The following INSR variants were observed in gnomAD, a reference collection of about 807,000 sequenced individuals.
INSR encodes IR.
INSR carries 67 observed loss-of-function variants against 142.6 expected under a neutral mutation model. That is an observed-to-expected ratio of 0.47 (90% CI 0.39 to 0.58). INSR has a LOEUF of 0.58. Among genes scored for constraint, INSR ranks in the 20% least tolerant of loss-of-function variants. The pLI is 0.00. For synonymous variants in INSR, 756 were observed against 743.1 expected (o/e 1.02, Z -0.28); for missense variants, 1,248 against 1,833.2 (o/e 0.68, Z 5.83).
In INSR at chr19:7,166,845, G is replaced by A. The variant is rs193268827; in HGVS notation, c.1611-441C>T. On this transcript the variant is annotated intron_variant, in intron 7 of 21. Transcript: ENST00000302850. This position sits in a 1 kb window ranked among gnomAD's most constrained non-coding sequence, Gnocchi z 4.1. Reference sequence around the variant, plus strand: ...TGAGGCAGGAGAATTGCTTGAACCCGGGAGGCAGAGGTAGCATCAGCTGAG... The same window carrying A: ...TGAGGCAGGAGAATTGCTTGAACCCAGGAGGCAGAGGTAGCATCAGCTGAG... Among the ~76,000 whole-genome samples, 39 of 152,130 alleles carry A rather than the reference G, an allele frequency of 2.6e-4. No individual in the cohort carries two copies. In the East Asian group the frequency reaches 7.1e-3, roughly 28 times the overall value.
intron 17 of INSR, chr19:7,123,196 A>G (rs1599871321): frequency 3.6e-6 from 2 of 561,614 alleles, no homozygotes; most frequent in East Asian, 3.0e-5. Flanking sequence ...TTCGAGACGG[A>G]ATCTTGCTGT....
At chr19:7,153,498 A>ACACCACATACACACTTCACACACAC (rs1973506114) in intron 9 of INSR, among the ~76,000 whole-genome samples, 1 of 116,182 alleles carries the variant, frequency 8.6e-6, no homozygotes, top group African/African-American at 3.3e-5. Context: ...CCACACACAC[A>ACACCACATACACACTTCACACACAC]CACAGTGAAG....
intron 2 of INSR, among the ~76,000 whole-genome samples, chr19:7,202,781 G>A (rs998725353): frequency 4.6e-5 from 7 of 152,308 alleles, no homozygotes; most frequent in South Asian, 4.1e-4. Flanking sequence ...GATTACAGGC[G>A]TGAGCCATGG....
intron 4 of INSR, 125 bp from the exon 5 acceptor site, chr19:7,172,559 C>T: frequency 9.7e-7 from 1 of 1,031,404 alleles, no homozygotes; most frequent in South Asian, 1.3e-5. Context: ...CAAAACTCAT[C>T]ATGCTTAGAA....
rs767834270 is a variant in INSR at position 7,167,941 on chromosome 19, C to CA, written c.1610+26dup. 1.1e-5 allele frequency: 17 copies of CA among 1,613,620 alleles called. No homozygotes were observed. The South Asian group carries it at 1.9e-4, about 18-fold the overall frequency. ...CAGAGCCAGCCAGCCCTCGCCTCCT[C>CA]AGCGTCTCTCTAACTCTTCTACTTA... On this transcript the variant is annotated intron_variant, in intron 7 of 21. Transcript: ENST00000302850.
At chr19:7,215,556 G>GTATT (rs146786396) in intron 2 of INSR, among the ~76,000 whole-genome samples, 103,612 of 148,230 alleles carry the variant, frequency 0.7, 36,412 homozygotes, top group East Asian at 0.76. Flanking sequence ...TCCTTTTCCT[G>GTATT]TATTTATTTA....
chr19:7,272,187 TC>T (rs1328743835), intron 1 of INSR, among the ~76,000 whole-genome samples: 1 of 152,024 alleles, frequency 6.6e-6, no homozygotes, highest in Non-Finnish European at 1.5e-5. Flanking sequence ...GTGCCTGTAG[TC>T]CCAGCTACTT....
intron 1 of INSR, among the ~76,000 whole-genome samples, chr19:7,283,758 C>T (rs140978456): frequency 3.9e-5 from 6 of 152,124 alleles, no homozygotes; most frequent in East Asian, 1.9e-4. Context: ...CACTTGCAGC[C>T]GATTCTTGTT....
intron 2 of INSR, among the ~76,000 whole-genome samples, chr19:7,205,194 C>T (rs1568485508): frequency 6.6e-6 from 1 of 152,204 alleles, no homozygotes; most frequent in Non-Finnish European, 1.5e-5. Context: ...ATCTGAGCTC[C>T]AGATACAAGC....
chr19:7,138,669 GC>G (rs1972998019), intron 13 of INSR, among the ~76,000 whole-genome samples: 1 of 152,030 alleles, frequency 6.6e-6, no homozygotes, highest in South Asian at 2.1e-4. Flanking sequence ...ACCATGCTTG[GC>G]CCCCAAACAT....
intron 1 of INSR, among the ~76,000 whole-genome samples, chr19:7,288,210 G>C (rs532718815): frequency 6.7e-6 from 1 of 150,246 alleles, no homozygotes; most frequent in African/African-American, 2.5e-5. Flanking sequence ...AAAAAAAAAA[G>C]TTTTAATTAG....
chr19:7,198,132 C>G (rs1031055174), intron 2 of INSR, among the ~76,000 whole-genome samples: 17 of 151,878 alleles, frequency 1.1e-4, no homozygotes, highest in Non-Finnish European at 1.9e-4. Flanking sequence ...CCCCTCGAGC[C>G]GGAGGCCTCA....
At chr19:7,197,437 G>A (rs1426042615) in intron 2 of INSR, among the ~76,000 whole-genome samples, 1 of 152,206 alleles carries the variant, frequency 6.6e-6, no homozygotes, top group Non-Finnish European at 1.5e-5. Flanking sequence ...CGCACGCAGA[G>A]GCCCGGAAGG....
At chr19:7,200,219 T>A (rs1446090278) in intron 2 of INSR, among the ~76,000 whole-genome samples, 5 of 151,940 alleles carry the variant, frequency 3.3e-5, no homozygotes, top group Non-Finnish European at 7.4e-5. Context: ...TGGCTTATGG[T>A]AGATGGATGA....
chr19:7,143,126 C>T, intron 11 of INSR, 36 bp from the exon 12 acceptor site: 9 of 1,610,904 alleles, frequency 5.6e-6, no homozygotes, highest in Non-Finnish European at 7.6e-6. Flanking sequence ...ATGACACCAT[C>T]ACCATCATTT....
At chr19:7,138,351 G>C (rs1419666006) in intron 13 of INSR, among the ~76,000 whole-genome samples, 1 of 152,048 alleles carries the variant, frequency 6.6e-6, no homozygotes. Context: ...ACATTACACT[G>C]AACAAAGGTC....
In INSR at chr19:7,159,362, A is replaced by G. The variant is rs1008738382; in HGVS notation, c.2029+3670T>C. 6.6e-6 allele frequency: 1 copy of G among 151,958 alleles called. No homozygotes were observed. Among genetic ancestry groups the G allele is most frequent in the African/African-American group, 2.4e-5 (1 of 41,350 alleles). The allele number at this position is 151,958 out of a possible 1,614,324, so 9.4% of individuals were successfully genotyped here. On this transcript the variant is annotated intron_variant, in intron 9 of 21. Coordinates refer to ENST00000302850, the MANE Select transcript of INSR (RefSeq NM_000208.4). The surrounding 1 kb of genome is among the most constrained non-coding windows in gnomAD (Gnocchi z 4.3). ...CGCAGTCCCTGGCACTCCCCATTCT[A>G]CTTTCTGTCTCTATGAATCTGAGGA...
At chr19:7,135,533 TG>T (rs1007485675) in intron 13 of INSR, among the ~76,000 whole-genome samples, 84 of 150,580 alleles carry the variant, frequency 5.6e-4, no homozygotes, top group African/African-American at 2.0e-3. Flanking sequence ...AAAAATTATC[TG>T]GGCATGGTGG....
At position 7,166,105 on chromosome 19, in the gene INSR, G is replaced by A. The variant is rs1973882436; in HGVS notation, c.1861+49C>T. ...ACCTCACTGCATCAGCCTATTAAAA[G>A]CAAGAGGTCTGATTCACATACGAAT... is the stretch of plus-strand genomic sequence containing the variant. On this transcript the variant is annotated intron_variant, in intron 8 of 21. Coordinates refer to ENST00000302850, the MANE Select transcript of INSR (RefSeq NM_000208.4). The surrounding 1 kb of genome is among the most constrained non-coding windows in gnomAD (Gnocchi z 4.1). The A allele has an allele frequency of 6.2e-7, 1 of 1,608,734 alleles. No individual in the cohort carries two copies. The highest frequency in any genetic ancestry group is 1.1e-5 in the South Asian group (1 of 90,664).
Sources: gnomAD v4.1 joint callset for allele counts (sites outside exome capture counted in the v4.1 genomes callset) on GRCh38, gnomAD v4.1.1 for gene constraint, Gnocchi (gnomAD v3.1) non-coding constraint, MANE v1.5 for transcripts, NCBI Gene and HGNC (gene_info 2026-07-23, HGNC 2026-07-21) for gene names.